The following EP400 variants were observed in gnomAD, a reference collection of about 807,000 sequenced individuals.
EP400 encodes E1A binding protein p400.
EP400 carries 105 observed loss-of-function variants against 354.1 expected under a neutral mutation model. That is an observed-to-expected ratio of 0.30 (90% CI 0.25 to 0.35). EP400 has a LOEUF of 0.35. Ranked by LOEUF, EP400 falls within the 10% of genes least tolerant of loss-of-function variation. The pLI, the probability that EP400 is intolerant of heterozygous loss-of-function variation, is 1.00. For synonymous variants in EP400, 1,646 were observed against 1,716.9 expected (o/e 0.96, Z 1.02); for missense variants, 3,280 against 4,121.0 (o/e 0.80, Z 5.59).
chr12:131,968,273 A>G (rs1177232389), intron 2 of EP400, among the ~76,000 whole-genome samples: 1 of 152,226 alleles, frequency 6.6e-6, no homozygotes, highest in East Asian at 1.9e-4. Flanking sequence ...TTTGTGTAAC[A>G]TGGCAAATAT....
rs1894279434 is a variant in EP400, at chr12:132,025,611, C to T, written c.4856-35C>T. Reference sequence around the variant, plus strand: ...AGTGTGTGGCTGTGATGTACACATGCCTGTCATTGACACCTAGTGGACCTA... The same window carrying T: ...AGTGTGTGGCTGTGATGTACACATGTCTGTCATTGACACCTAGTGGACCTA... On this transcript the variant is annotated intron_variant, in intron 24 of 52. Transcript: ENST00000389561. The surrounding 1 kb of genome is among the most constrained non-coding windows in gnomAD (Gnocchi z 4.1). The T allele has an allele frequency of 6.4e-7, 1 of 1,555,238 alleles. No individual in the cohort carries two copies. Among genetic ancestry groups the T allele is most frequent in the Non-Finnish European group, 8.7e-7 (1 of 1,149,892 alleles).
intron 48 of EP400, chr12:132,065,922 T>G (rs1895876282): frequency 6.6e-6 from 1 of 152,240 alleles, no homozygotes. Context: ...ATGTGCACGC[T>G]TATTTAACTA....
rs1319661733 is a variant in EP400, at chr12:132,043,307, C to G, written c.6211C>G (p.Leu2071Val). 1 of 1,609,532 alleles carries G rather than the reference C, an allele frequency of 6.2e-7. No individual in the cohort carries two copies. The highest frequency in any genetic ancestry group is 8.5e-7 in the Non-Finnish European group (1 of 1,178,690). The change falls in exon 33 of 53, where the codon CTC (leucine) becomes GTC (valine). Residue 2071 changes from leucine to valine, a missense_variant. Leu to Val is a conservative substitution (Grantham distance 32). Coordinates refer to ENST00000389561, the MANE Select transcript of EP400 (RefSeq NM_015409.5). The part of the protein sequence containing the change: ...PKIARPFIEA[L>V]KSIEYLEEDA... ...TCTAAACATAGACTTTCCTCAGGCC[C>G]TCAAGAGTATTGAGTATCTGGAGGA...
At chr12:131,970,819 A>C (rs185944196) in intron 2 of EP400, among the ~76,000 whole-genome samples, 5 of 152,360 alleles carry the variant, frequency 3.3e-5, no homozygotes, top group Non-Finnish European at 7.3e-5. Context: ...TACCGCAATC[A>C]AATTAATTAA....
intron 2 of EP400, among the ~76,000 whole-genome samples, chr12:131,966,594 C>T (rs1892096198): frequency 6.9e-6 from 1 of 144,618 alleles, no homozygotes; most frequent in Admixed American, 6.8e-5. Context: ...AAAAGACCAC[C>T]CTGTCTCTAC....
chr12:131,972,270 A>T (rs1400913050), intron 2 of EP400, among the ~76,000 whole-genome samples: 2 of 151,308 alleles, frequency 1.3e-5, no homozygotes, highest in African/African-American at 4.9e-5. Context: ...CTCCTGCCTC[A>T]GCCTCCGGAG....
intron 12 of EP400, 146 bp from the exon 13 acceptor site, chr12:132,004,931 A>G (rs1893530415): frequency 1.4e-6 from 1 of 698,010 alleles, no homozygotes; most frequent in African/African-American, 1.8e-5. Context: ...TTTTCCAAGG[A>G]GTGATCTAAA....
Position 131,994,858 on chromosome 12 carries a change from C to T in EP400, c.2738-9C>T, listed in dbSNP as rs747282946. ...GCCTCTCAGTGACACTTGCTGATAA[C>T]CATTTTAGTGGACGATGAAGAGGAA... On this transcript the variant is annotated splice_polypyrimidine_tract_variant and intron_variant, in intron 11 of 52. Transcript: ENST00000389561. The surrounding 1 kb of genome is among the most constrained non-coding windows in gnomAD (Gnocchi z 4.6). 1.9e-6 allele frequency: 3 copies of T among 1,613,516 alleles called. No individual in the cohort carries two copies. The highest frequency in any genetic ancestry group is 2.2e-5 in the South Asian group (2 of 91,012).
rs1040923738 is a variant in EP400, at chr12:132,064,878, G to A, written c.8545G>A (p.Ala2849Thr). 1.9e-6 allele frequency: 3 copies of A among 1,606,708 alleles called. No homozygotes were observed. Among genetic ancestry groups the A allele is most frequent in the Non-Finnish European group, 2.5e-6 (3 of 1,177,222 alleles). ...CACCACCGTGGCCAACCTCCAGGTG[G>A]CCCGGCTCGTAAGTGTCAGTTTCTG... ...TGTTVANLQV[A>T]RLTRVPTSQL... The change falls in exon 48 of 53, where the codon GCC becomes ACC. Residue 2849 changes from alanine (A) to threonine (T), a missense_variant. Ala to Thr is a moderately conservative substitution (Grantham distance 58). Transcript: ENST00000389561.
chr12:132,014,993 T>C (rs1893881125), intron 19 of EP400, among the ~76,000 whole-genome samples: 1 of 152,060 alleles, frequency 6.6e-6, no homozygotes, highest in Non-Finnish European at 1.5e-5. Flanking sequence ...CATCCTCTGC[T>C]CTGGGTCTCC....
At chr12:132,071,554 G>C (rs1268191064) in intron 51 of EP400, among the ~76,000 whole-genome samples, 1 of 152,176 alleles carries the variant, frequency 6.6e-6, no homozygotes, top group African/African-American at 2.4e-5. Flanking sequence ...AAGAGACCTG[G>C]AGCAGCCGCT....
chr12:131,959,192 C>T (rs985331782), intron 1 of EP400, among the ~76,000 whole-genome samples: 2 of 152,130 alleles, frequency 1.3e-5, no homozygotes, highest in Non-Finnish European at 2.9e-5. Context: ...GATTTTTGCT[C>T]CTTTATGACA....
At chr12:131,975,288 T>G (rs1009956000) in intron 2 of EP400, among the ~76,000 whole-genome samples, 7 of 152,202 alleles carry the variant, frequency 4.6e-5, no homozygotes, top group Admixed American at 4.6e-4. Flanking sequence ...ATCCGTGTGT[T>G]CATGTAGATA....
chr12:131,954,137 TG>T (rs1891612465), intron 1 of EP400, among the ~76,000 whole-genome samples: 1 of 151,858 alleles, frequency 6.6e-6, no homozygotes, highest in South Asian at 2.1e-4. Context: ...AATTTTACGG[TG>T]AACACTAGTA....
At chr12:132,045,621 G>A (rs571450736) in intron 38 of EP400, 61 bp downstream of exon 38, 20 of 1,605,342 alleles carry the variant, frequency 1.2e-5, no homozygotes, top group African/African-American at 5.4e-5. Context: ...ACGCACGTCC[G>A]TGCATCCAGC....
At chr12:132,019,100 G>A (rs763251256) in intron 21 of EP400, among the ~76,000 whole-genome samples, 1 of 152,240 alleles carries the variant, frequency 6.6e-6, no homozygotes, top group East Asian at 1.9e-4. Context: ...GAGGACTCAC[G>A]ACCCAGCAGG....
At chr12:131,976,911 T>C (rs2136485113) in intron 2 of EP400, among the ~76,000 whole-genome samples, 1 of 152,276 alleles carries the variant, frequency 6.6e-6, no homozygotes, top group African/African-American at 2.4e-5. Context: ...CTTTGTCCTC[T>C]TGTTCAAGCC....
chr12:132,079,548 A>G lies in EP400; in HGVS notation c.*1875A>G, dbSNP rs1896325899. 1 of 152,340 alleles carries G rather than the reference A, an allele frequency of 6.6e-6. No individual in the cohort carries two copies. Among genetic ancestry groups the G allele is most frequent in the Non-Finnish European group, 1.5e-5 (1 of 68,036 alleles). The allele number at this position is 152,340 out of a possible 1,614,324, so 9.4% of individuals were successfully genotyped here. ...CTGTTCATTTTTTTTGTCTTTCCCA[A>G]ATCTTGGTAGTCTCCTTATAGTTGA... On this transcript the variant is annotated 3_prime_UTR_variant, in exon 53 of 53. Transcript: ENST00000389561.
At chr12:132,009,161 G>A (rs1407756260) in intron 15 of EP400, among the ~76,000 whole-genome samples, 7 of 150,364 alleles carry the variant, frequency 4.7e-5, no homozygotes, top group Admixed American at 2.0e-4. Context: ...TGAACTCCTG[G>A]GCTCAAGAGA....
Sources: allele counts gnomAD v4.1 joint callset (sites outside exome capture counted in the v4.1 genomes callset), GRCh38; gene constraint gnomAD v4.1.1; non-coding constraint Gnocchi (gnomAD v3.1); transcripts MANE v1.5; gene names NCBI Gene and HGNC (gene_info 2026-07-23, HGNC 2026-07-21).